The following TYW1 variants were observed in gnomAD, a reference collection of about 807,000 sequenced individuals.
TYW1 encodes S-adenosyl-L-methionine-dependent tRNA 4-demethylwyosine synthase TYW1.
In TYW1, 46 loss-of-function variants were observed where a neutral mutation model predicts 96.2. The ratio of observed to expected loss-of-function variants is 0.48; its 90% CI spans 0.38 to 0.61. The LOEUF (loss-of-function observed/expected upper bound fraction) is 0.61, where lower values mean the gene tolerates loss of function less well. Among genes scored for constraint, TYW1 ranks in the 20% least tolerant of loss-of-function variants. TYW1 has a pLI of 0.00. For synonymous variants in TYW1, 274 were observed against 323.0 expected (o/e 0.85, Z 1.63); for missense variants, 684 against 909.6 (o/e 0.75, Z 3.19).
intron 3 of TYW1, among the ~76,000 whole-genome samples, chr7:67,002,403 T>G (rs1470972671): frequency 1.3e-5 from 2 of 151,976 alleles, no homozygotes; most frequent in African/African-American, 4.8e-5. Flanking sequence ...TTCTTCATTC[T>G]GCTGTTGGAT....
chr7:67,106,265 TA>T (rs1312706417), intron 12 of TYW1, among the ~76,000 whole-genome samples: 1 of 152,226 alleles, frequency 6.6e-6, no homozygotes, highest in Non-Finnish European at 1.5e-5. Flanking sequence ...TTTTCCCTCT[TA>T]AAAGTGGCTT....
intron 13 of TYW1, among the ~76,000 whole-genome samples, chr7:67,144,886 T>C (rs1798558527): frequency 2.0e-5 from 3 of 151,850 alleles, no homozygotes; most frequent in Admixed American, 2.0e-4. Flanking sequence ...TAATACAGCA[T>C]TTTAAACAAA....
chr7:67,177,821 T>TTTAG (rs1227118841), intron 13 of TYW1, among the ~76,000 whole-genome samples: 8 of 151,850 alleles, frequency 5.3e-5, no homozygotes, highest in Admixed American at 5.3e-4. Context: ...CATGTCCATA[T>TTTAG]TTAGGTAGAT....
At chr7:67,235,897 A>T (rs1801869093) in intron 15 of TYW1, among the ~76,000 whole-genome samples, 1 of 136,070 alleles carries the variant, frequency 7.3e-6, no homozygotes, top group Non-Finnish European at 1.6e-5. Context: ...CTGTCTCAAA[A>T]AAAAAAAAAA....
chr7:67,236,413 C>T (rs570655918), intron 15 of TYW1, among the ~76,000 whole-genome samples: 3 of 152,342 alleles, frequency 2.0e-5, no homozygotes, highest in South Asian at 4.1e-4. Flanking sequence ...GACCAAGTCA[C>T]GCCACTGGCA....
chr7:67,149,010 A>G (rs1286740907), intron 13 of TYW1, among the ~76,000 whole-genome samples: 3 of 151,618 alleles, frequency 2.0e-5, no homozygotes, highest in African/African-American at 4.9e-5. Context: ...ACCACCCCCA[A>G]CCCCCGGTCT....
chr7:67,109,033 G>GA (rs909852090), intron 12 of TYW1, among the ~76,000 whole-genome samples: 22 of 151,884 alleles, frequency 1.4e-4, no homozygotes, highest in Non-Finnish European at 2.9e-4. Flanking sequence ...CAGCACTTTG[G>GA]GAGGCCGAGG....
chr7:67,232,448 G>A, intron 15 of TYW1, among the ~76,000 whole-genome samples: 1 of 151,700 alleles, frequency 6.6e-6, no homozygotes, highest in African/African-American at 2.4e-5. Context: ...GCTGAGGCAG[G>A]AGAATCACTT....
chr7:67,172,307 A>G (rs1472900321), intron 13 of TYW1, among the ~76,000 whole-genome samples: 1 of 151,834 alleles, frequency 6.6e-6, no homozygotes, highest in African/African-American at 2.4e-5. Flanking sequence ...TAACGTTTAT[A>G]TCATTTTATA....
chr7:67,190,879 T>A (rs1383749120), intron 14 of TYW1, among the ~76,000 whole-genome samples: 2 of 152,166 alleles, frequency 1.3e-5, no homozygotes, highest in East Asian at 3.9e-4. Flanking sequence ...AATTAGAATA[T>A]CAAATAGTCA....
chr7:67,010,912 G>A (rs1023772679), intron 4 of TYW1, among the ~76,000 whole-genome samples: 1 of 152,090 alleles, frequency 6.6e-6, no homozygotes, highest in East Asian at 1.9e-4. Flanking sequence ...ATTAAGGAAG[G>A]GTTGTTATTG....
intron 6 of TYW1, 29 bp from the exon 7 acceptor site, chr7:67,024,871 A>G (rs1255747361): frequency 6.2e-7 from 1 of 1,613,090 alleles, no homozygotes. Flanking sequence ...CCCTTTGAAC[A>G]ATGTATTTCT....
At chr7:67,181,524 T>G (rs959577812) in intron 13 of TYW1, among the ~76,000 whole-genome samples, 1 of 152,276 alleles carries the variant, frequency 6.6e-6, no homozygotes, top group Middle Eastern at 3.4e-3. Context: ...AGGTCTCAAG[T>G]GTTTCTTCTT....
chr7:67,134,492 A>G (rs548265653), intron 13 of TYW1, among the ~76,000 whole-genome samples: 4 of 152,068 alleles, frequency 2.6e-5, no homozygotes, highest in Non-Finnish European at 2.9e-5. Context: ...CAGTGAGCCA[A>G]GATCACGCTA....
chr7:67,037,180 T>C (rs1794864721), intron 7 of TYW1, among the ~76,000 whole-genome samples: 1 of 152,076 alleles, frequency 6.6e-6, no homozygotes, highest in Non-Finnish European at 1.5e-5. Flanking sequence ...GCATAAAATA[T>C]CAGATGTAGT....
chr7:67,030,651 A>G (rs11765135), intron 7 of TYW1, among the ~76,000 whole-genome samples: 16,175 of 151,680 alleles, frequency 0.11, 767 homozygotes, highest in Middle Eastern at 0.15. Context: ...GAAATAATCA[A>G]TGTACTAAGC....
chr7:67,032,138 G>T (rs1794690205), intron 7 of TYW1, among the ~76,000 whole-genome samples: 1 of 152,100 alleles, frequency 6.6e-6, no homozygotes, highest in Non-Finnish European at 1.5e-5. Flanking sequence ...GTAAATTTTA[G>T]TCTTGGATCA....
chr7:67,091,245 T>A (rs545064208), intron 11 of TYW1, among the ~76,000 whole-genome samples: 1 of 150,856 alleles, frequency 6.6e-6, no homozygotes, highest in South Asian at 2.1e-4. Flanking sequence ...TAAAAAAGGA[T>A]GAATTCATGT....
chr7:67,197,314 C>G (rs1351118652), intron 15 of TYW1, among the ~76,000 whole-genome samples: 1 of 147,672 alleles, frequency 6.8e-6, no homozygotes, highest in Non-Finnish European at 1.5e-5. Context: ...TAGGTACTAT[C>G]GAGACCTCTG....
Sources: allele counts gnomAD v4.1 joint callset (sites outside exome capture counted in the v4.1 genomes callset), GRCh38; gene constraint gnomAD v4.1.1; transcripts MANE v1.5; gene names NCBI Gene and HGNC (gene_info 2026-07-23, HGNC 2026-07-21).